CPSF4L: variants seen among roughly 807,000 people sequenced by gnomAD.
The protein encoded by CPSF4L is cleavage and polyadenylation specific factor 4 like.
Under a neutral mutation model 24.0 loss-of-function variants are expected in CPSF4L, and 18 were observed. The observed-to-expected ratio is 0.75, with a 90% CI of 0.52 to 1.11. The LOEUF (loss-of-function observed/expected upper bound fraction) is 1.11. Among genes scored for constraint, CPSF4L ranks in the 50% least tolerant of loss-of-function variants. CPSF4L has a pLI of 0.00. For missense variants in CPSF4L, 211 were observed against 221.8 expected (o/e 0.95, Z 0.31); for synonymous variants, 72 against 77.2 (o/e 0.93, Z 0.35).
At chr17:73,245,610 A>C (rs186727483), downstream of CPSF4L, 770 of 985,404 alleles carry the variant, frequency 7.8e-4, 6 homozygotes, top group African/African-American at 0.013. Context: ...AAAGTATCTG[A>C]ATTGGCAGAA....
At chr17:73,261,326 C>T (rs765244622) in intron 1 of CPSF4L, among the ~76,000 whole-genome samples, 86 of 152,332 alleles carry the variant, frequency 5.6e-4, no homozygotes, top group Admixed American at 2.0e-3. Context: ...AGAGAAGGGG[C>T]GGTCGCATCA....
At position 73,257,765 on chromosome 17, in the gene CPSF4L, G is replaced by C. The variant is rs1345721150; in HGVS notation, c.223C>G (p.Leu75Val). ...TTGCAGTGATCACCCTTCTTGCAGAGCCCCCGGAGCCAGTGCTTGCATACC... is the reference window on the plus strand; with the variant it reads ...TTGCAGTGATCACCCTTCTTGCAGACCCCCCGGAGCCAGTGCTTGCATACC... ...MVVCKHWLRG[L>V]CKKGDHCKFL... Residue 75 changes from leucine to valine, a missense_variant, in exon 3 of 6, where the codon CTC (leucine) becomes GTC (valine). By Grantham distance (32) the Leu-to-Val change is conservative (BLOSUM62 1). Coordinates refer to ENST00000344935, the MANE Select transcript of CPSF4L (RefSeq NM_001129885.1). The C allele has an allele frequency of 6.4e-6, 10 of 1,551,480 alleles. No homozygotes were observed. Among genetic ancestry groups the C allele is most frequent in the Non-Finnish European group, 8.7e-6 (10 of 1,146,980 alleles).
chr17:73,242,174 C>CA, the CPSF4L span: 1 of 1,015,970 alleles, frequency 9.8e-7, no homozygotes, highest in Non-Finnish European at 1.5e-6. Context: ...GTGGATCCTT[C>CA]GGCACTGGAT....
intron 5 of CPSF4L, among the ~76,000 whole-genome samples, chr17:73,251,536 CAG>C (rs1351540888): frequency 2.6e-5 from 4 of 152,212 alleles, no homozygotes; most frequent in African/African-American, 7.2e-5. Flanking sequence ...GAACACCAAA[CAG>C]TGCATATTTT....
chr17:73,243,047 C>A, the CPSF4L span: 4 of 1,402,956 alleles, frequency 2.9e-6, no homozygotes, highest in African/African-American at 1.5e-5. Flanking sequence ...GGTCCCATTC[C>A]GTTATGTGGA....
upstream of CPSF4L, among the ~76,000 whole-genome samples, chr17:73,263,288 G>T (rs1471773640): frequency 6.6e-6 from 1 of 152,172 alleles, no homozygotes; most frequent in Non-Finnish European, 1.5e-5. Flanking sequence ...GCTATGGATG[G>T]GGTTCACATC....
downstream of CPSF4L, chr17:73,247,178 G>T: frequency 1.4e-6 from 2 of 1,435,270 alleles, no homozygotes; most frequent in South Asian, 2.3e-5. Flanking sequence ...GCAAAGTCGA[G>T]TAGTTGCGAC....
At chr17:73,250,199 A>G (rs1397990165) in intron 5 of CPSF4L, 3 of 1,537,270 alleles carry the variant, frequency 2.0e-6, no homozygotes, top group East Asian at 2.5e-5. Flanking sequence ...ACAGAATCCC[A>G]TAGTAAGACC....
At chr17:73,254,088 A>G in intron 3 of CPSF4L, 62 bp from the exon 4 acceptor site, 1 of 1,301,408 alleles carries the variant, frequency 7.7e-7, no homozygotes, top group South Asian at 1.3e-5. Flanking sequence ...TGTGTCCCCA[A>G]ACCAGATTGA....
At chr17:73,262,054 C>T (rs562898167), upstream of CPSF4L, 30 of 556,462 alleles carry the variant, frequency 5.4e-5, 1 homozygote, top group South Asian at 5.7e-4. Context: ...CTCACCCCCA[C>T]ACTGTGTACA....
rs1250943702 is a variant in CPSF4L at position 73,261,566 on chromosome 17, C to G, written c.103+150G>C. ...GTCCCAGCTCCTCGGGAGGCTGAGG[C>G]AGGAGAATGGCGTGAACCCAGGAGG... On this transcript the variant is annotated intron_variant, in intron 1 of 5. Transcript: ENST00000344935. 8.2e-6 allele frequency: 5 copies of G among 608,090 alleles called. No homozygotes were observed. The East Asian group carries it at 1.4e-4, about 18-fold the overall frequency. 37.7% of individuals were successfully genotyped at this position (608,090 alleles called of 1,614,324 possible). A position where few individuals can be genotyped will look rare whatever the true frequency, so the allele number is the denominator to read the frequency against.
intron 2 of CPSF4L, 81 bp from the exon 3 acceptor site, chr17:73,257,914 G>A: frequency 6.9e-7 from 1 of 1,448,348 alleles, no homozygotes; most frequent in East Asian, 2.5e-5. Context: ...GATTCCCCAG[G>A]AGGGTACCTG....
downstream of CPSF4L, chr17:73,247,207 A>G (rs2061963013): frequency 6.2e-7 from 1 of 1,600,012 alleles, no homozygotes; most frequent in Non-Finnish European, 8.6e-7. Context: ...TATGCCCTGA[A>G]AAGCTGAAAA....
At chr17:73,250,203 T>G (rs2061999229) in intron 5 of CPSF4L, 1 of 1,541,234 alleles carries the variant, frequency 6.5e-7, no homozygotes, top group Admixed American at 2.0e-5. Flanking sequence ...AATCCCATAG[T>G]AAGACCATTG....
At chr17:73,252,013 C>T (rs1332621751) in intron 5 of CPSF4L, among the ~76,000 whole-genome samples, 1 of 152,238 alleles carries the variant, frequency 6.6e-6, no homozygotes, top group Non-Finnish European at 1.5e-5. Context: ...ATGTGTCCCA[C>T]ATGCATGATG....
chr17:73,245,664 C>G, downstream of CPSF4L: 1 of 985,336 alleles, frequency 1.0e-6, no homozygotes, highest in Non-Finnish European at 1.2e-6. Flanking sequence ...CTTTGGGGCC[C>G]TTGACCAGAT....
At chr17:73,258,294 G>A (rs193052628) in intron 2 of CPSF4L, among the ~76,000 whole-genome samples, 17 of 152,070 alleles carry the variant, frequency 1.1e-4, no homozygotes, top group African/African-American at 3.9e-4. Flanking sequence ...ACAGGCGTGA[G>A]CCACCGCGCC....
intron 3 of CPSF4L, among the ~76,000 whole-genome samples, chr17:73,256,358 G>T (rs1489533267): frequency 6.6e-6 from 1 of 152,206 alleles, no homozygotes; most frequent in East Asian, 1.9e-4. Context: ...TGGAATATTA[G>T]CCTGGGTGGG....
downstream of CPSF4L, chr17:73,245,694 C>T: frequency 3.0e-6 from 3 of 985,388 alleles, no homozygotes; most frequent in Non-Finnish European, 3.6e-6. Context: ...GTGTGAGAAA[C>T]ACAAGAGCTA....
Sources: gnomAD v4.1 joint callset for allele counts (sites outside exome capture counted in the v4.1 genomes callset) on GRCh38, gnomAD v4.1.1 for gene constraint, MANE v1.5 for transcripts, NCBI Gene and HGNC (gene_info 2026-07-23, HGNC 2026-07-21) for gene names.